HABP4: variants seen among roughly 807,000 people sequenced by gnomAD.
The protein encoded by HABP4 is hyaluronan binding protein 4, also known as intracellular hyaluronan-binding protein 4.
In HABP4, 32 loss-of-function variants were observed where a neutral mutation model predicts 44.1. The ratio of observed to expected loss-of-function variants is 0.73; its 90% CI spans 0.55 to 0.97. HABP4 has a LOEUF of 0.97. Ranked by LOEUF, HABP4 falls within the 50% of genes least tolerant of loss-of-function variation. The probability of loss-of-function intolerance (pLI) is 0.00; values close to 1 mark genes in which losing one functional copy is unlikely to be tolerated. For missense variants in HABP4, 503 were observed against 561.9 expected (o/e 0.90, Z 1.06); for synonymous variants, 216 against 218.0 (o/e 0.99, Z 0.08).
intron 5 of HABP4, among the ~76,000 whole-genome samples, chr9:96,479,136 C>T (rs1364038705): frequency 6.6e-6 from 1 of 152,086 alleles, no homozygotes; most frequent in Non-Finnish European, 1.5e-5. Flanking sequence ...TCAATATTTC[C>T]AATTCGAAGT....
intron 4 of HABP4, 149 bp from the exon 5 acceptor site, chr9:96,470,862 T>TG: frequency 1.9e-6 from 1 of 528,838 alleles, no homozygotes; most frequent in Admixed American, 3.2e-5. Context: ...ACCACTGCAC[T>TG]CCAGCCTGGG....
intron 2 of HABP4, among the ~76,000 whole-genome samples, chr9:96,459,446 G>A (rs1832461400): frequency 6.6e-6 from 1 of 152,130 alleles, no homozygotes; most frequent in Non-Finnish European, 1.5e-5. Context: ...GGTGGCCACC[G>A]CACTCCACCT....
chr9:96,490,610 CTG>C lies in HABP4; in HGVS notation c.*575_*576del, dbSNP rs1833074924. On this transcript the variant is annotated 3_prime_UTR_variant, in exon 8 of 8. Coordinates refer to ENST00000375249, the MANE Select transcript of HABP4 (RefSeq NM_014282.4). ...TATTGTGTAGCCACTGGCCACCACT[CTG>C]TGACACAGAATCAGAGAAAGCGTTG... 6.6e-6 allele frequency: 1 copy of C among 152,380 alleles called. No homozygotes were observed. Among genetic ancestry groups the C allele is most frequent in the Non-Finnish European group, 1.5e-5 (1 of 68,158 alleles). 9.4% of individuals were successfully genotyped at this position (152,380 alleles called of 1,614,324 possible). A position where few individuals can be genotyped will look rare whatever the true frequency, so the allele number is the denominator to read the frequency against.
intron 5 of HABP4, among the ~76,000 whole-genome samples, chr9:96,482,570 T>C (rs1832897421): frequency 6.6e-6 from 1 of 152,174 alleles, no homozygotes; most frequent in African/African-American, 2.4e-5. Context: ...ATTCAGAGTG[T>C]TATGCAACCA....
chr9:96,476,028 G>A lies in HABP4; in HGVS notation c.827+4934G>A, dbSNP rs1832781351. ...GAAAAGGTATTGCATGAATGGAAAT[G>A]TGGACATTTGAATTGATGTTTTGTA... On this transcript the variant is annotated intron_variant, in intron 5 of 7. Coordinates refer to ENST00000375249, the MANE Select transcript of HABP4 (RefSeq NM_014282.4). 2.0e-5 allele frequency among the ~76,000 whole-genome samples: 3 copies of A among 152,034 alleles called. No individual in the cohort carries two copies. In the South Asian group the frequency reaches 6.2e-4, roughly 32 times the overall value.
Position 96,450,577 on chromosome 9 carries a change from G to A in HABP4, c.298G>A (p.Ala100Thr). ...GCAGAAGGAGCGCAAGAGCCTCCCGGCGCCCGTCGCTCAGCGGCCCGATAG... is the reference window on the plus strand; with the variant it reads ...GCAGAAGGAGCGCAAGAGCCTCCCGACGCCCGTCGCTCAGCGGCCCGATAG... ...ESQKERKSLP[A>T]PVAQRPDSPG... Residue 100 changes from alanine (A) to threonine (T), a missense_variant, in exon 1 of 8, where the codon GCG (alanine) becomes ACG (threonine). By Grantham distance (58) the Ala-to-Thr change is moderately conservative. Coordinates refer to ENST00000375249, the MANE Select transcript of HABP4 (RefSeq NM_014282.4). This position sits in a 1 kb window ranked among gnomAD's most constrained non-coding sequence, Gnocchi z 4.8. The A allele has an allele frequency of 7.8e-7, 1 of 1,280,972 alleles. No homozygotes were observed. Among genetic ancestry groups the A allele is most frequent in the Non-Finnish European group, 9.9e-7 (1 of 1,014,064 alleles). The allele number at this position is 1,280,972 out of a possible 1,614,324, so 79.4% of individuals were successfully genotyped here.
intron 2 of HABP4, among the ~76,000 whole-genome samples, chr9:96,463,540 C>T (rs1832544817): frequency 6.6e-6 from 1 of 152,174 alleles, no homozygotes; most frequent in Non-Finnish European, 1.5e-5. Flanking sequence ...CAGGCGTGAG[C>T]CACCGAGCCC....
At chr9:96,478,211 C>T (rs7040718) in intron 5 of HABP4, among the ~76,000 whole-genome samples, 3,664 of 151,940 alleles carry the variant, frequency 0.024, 150 homozygotes, top group African/African-American at 0.085. Context: ...CGGCTCACTG[C>T]AACCTCCGCC....
chr9:96,461,104 A>C (rs1415655331), intron 2 of HABP4, among the ~76,000 whole-genome samples: 1 of 152,236 alleles, frequency 6.6e-6, no homozygotes, highest in East Asian at 1.9e-4. Context: ...AGCCCATGAA[A>C]GTATGAATGA....
At position 96,484,620 on chromosome 9, in the gene HABP4, A is replaced by G; in HGVS notation, c.986A>G (p.Lys329Arg). The G allele has an allele frequency of 6.4e-7, 1 of 1,571,720 alleles. No individual in the cohort carries two copies. The highest frequency in any genetic ancestry group is 8.8e-7 in the Non-Finnish European group (1 of 1,142,374). ...PSKAVVIHKS[K>R]YRDDMVKDDY... ...AAAGCCGTGGTGATTCACAAGTCAA[A>G]ATACAGAGATGATGTAAGCATTGCA... Residue 329 changes from lysine (K) to arginine (R), a missense_variant, in exon 6 of 8, where the codon AAA becomes AGA. Coordinates refer to ENST00000375249, the MANE Select transcript of HABP4 (RefSeq NM_014282.4).
At chr9:96,454,683 T>C (rs1241704639) in intron 1 of HABP4, among the ~76,000 whole-genome samples, 1 of 152,088 alleles carries the variant, frequency 6.6e-6, no homozygotes, top group Non-Finnish European at 1.5e-5. Context: ...CTCCTGATCT[T>C]GTGATCTGCC....
chr9:96,476,898 C>G (rs1159734602), intron 5 of HABP4, among the ~76,000 whole-genome samples: 1 of 152,196 alleles, frequency 6.6e-6, no homozygotes, highest in Non-Finnish European at 1.5e-5. Context: ...ATTTGTGCCT[C>G]TATTCTTGAA....
chr9:96,465,122 T>C (rs1210290710), intron 2 of HABP4, among the ~76,000 whole-genome samples: 1 of 152,210 alleles, frequency 6.6e-6, no homozygotes, highest in Non-Finnish European at 1.5e-5. Context: ...ATTAAAGATT[T>C]GTTTGTGAGA....
intron 2 of HABP4, among the ~76,000 whole-genome samples, chr9:96,462,611 C>CAA (rs35043603): frequency 7.9e-6 from 1 of 126,374 alleles, no homozygotes; most frequent in African/African-American, 2.8e-5. Context: ...GACTCTGTCT[C>CAA]AAAAAAAAAA....
At position 96,490,243 on chromosome 9, in the gene HABP4, T is replaced by C; in HGVS notation, c.*205T>C. On this transcript the variant is annotated 3_prime_UTR_variant, in exon 8 of 8. Transcript: ENST00000375249. ...GGCCATTTCCCAAGAAGATGAAGAA[T>C]GGTGACTGTGTTTTTATTGAAGGAA... 1.7e-6 allele frequency: 1 copy of C among 583,662 alleles called. No individual in the cohort carries two copies. The highest frequency in any genetic ancestry group is 2.2e-5 in the South Asian group (1 of 45,446). 36.2% of individuals were successfully genotyped at this position (583,662 alleles called of 1,614,324 possible).
At chr9:96,451,484 A>C in intron 1 of HABP4, 1 of 984,804 alleles carries the variant, frequency 1.0e-6, no homozygotes, top group Middle Eastern at 5.2e-4. Flanking sequence ...AGCGGTCCCA[A>C]GGTTTGCAGA....
chr9:96,470,653 C>T (rs1257908245), intron 4 of HABP4, among the ~76,000 whole-genome samples: 3 of 151,908 alleles, frequency 2.0e-5, no homozygotes, highest in African/African-American at 7.2e-5. Flanking sequence ...AACTGTAACC[C>T]CAGCACTTTG....
intron 1 of HABP4, among the ~76,000 whole-genome samples, chr9:96,457,227 G>A (rs1418822817): frequency 1.3e-5 from 2 of 152,118 alleles, no homozygotes; most frequent in South Asian, 2.1e-4. Flanking sequence ...TTAGCCAGGC[G>A]TGGTGGCGCA....
intron 5 of HABP4, among the ~76,000 whole-genome samples, chr9:96,482,464 ATTTCTGTT>A (rs749890853): frequency 2.0e-5 from 3 of 152,098 alleles, no homozygotes; most frequent in Non-Finnish European, 1.5e-5. Flanking sequence ...GCCAGTCTTC[ATTTCTGTT>A]TTTCTTTTTT....
Sources: gnomAD v4.1 joint callset for allele counts (sites outside exome capture counted in the v4.1 genomes callset) on GRCh38, gnomAD v4.1.1 for gene constraint, Gnocchi (gnomAD v3.1) non-coding constraint, MANE v1.5 for transcripts, NCBI Gene and HGNC (gene_info 2026-07-23, HGNC 2026-07-21) for gene names.